The following WSCD2 variants were observed in gnomAD, a reference collection of about 807,000 sequenced individuals.
WSCD2 encodes sialate:O-sulfotransferase 2.
Under a neutral mutation model 55.7 loss-of-function variants are expected in WSCD2, and 28 were observed. The observed-to-expected ratio is 0.50, with a 90% CI of 0.37 to 0.69. The LOEUF (loss-of-function observed/expected upper bound fraction) is 0.69. WSCD2 is among the 30% of genes least tolerant of loss of function. The pLI is 0.00. For missense variants in WSCD2, 616 were observed against 762.1 expected (o/e 0.81, Z 2.26); for synonymous variants, 301 against 301.9 (o/e 1.00, Z 0.03).
intron 5 of WSCD2, among the ~76,000 whole-genome samples, chr12:108,226,093 T>G (rs577930122): frequency 6.6e-6 from 1 of 151,806 alleles, no homozygotes; most frequent in Non-Finnish European, 1.5e-5. Context: ...GCTGTCTGAG[T>G]CTGTTCTCAG....
chr12:108,168,310 C>T (rs1045135322), intron 1 of WSCD2, among the ~76,000 whole-genome samples: 7 of 152,196 alleles, frequency 4.6e-5, no homozygotes, highest in Admixed American at 4.6e-4. Flanking sequence ...TGATCATGCT[C>T]TGCCACTTTT....
chr12:108,218,025 G>A (rs1887053652), intron 4 of WSCD2, among the ~76,000 whole-genome samples: 1 of 152,118 alleles, frequency 6.6e-6, no homozygotes, highest in African/African-American at 2.4e-5. Flanking sequence ...GATTCCACAT[G>A]GGTCTCCCCC....
chr12:108,201,075 T>C (rs1030470984), intron 2 of WSCD2, among the ~76,000 whole-genome samples: 2 of 152,242 alleles, frequency 1.3e-5, no homozygotes, highest in Non-Finnish European at 2.9e-5. Flanking sequence ...AATATCTTTG[T>C]ATTAGCTTTC....
intron 1 of WSCD2, among the ~76,000 whole-genome samples, chr12:108,184,807 A>G (rs865994202): frequency 3.4e-4 from 52 of 152,266 alleles, no homozygotes; most frequent in African/African-American, 1.2e-3. Flanking sequence ...TTATATGGAC[A>G]GAGGTTATTT....
chr12:108,240,646 A>C (rs1889664378), intron 8 of WSCD2, 102 bp downstream of exon 8: 23 of 1,335,074 alleles, frequency 1.7e-5, no homozygotes, highest in Non-Finnish European at 2.2e-5. Flanking sequence ...GCAGGAGGCA[A>C]TGCCTCATGC....
At chr12:108,138,809 T>G (rs1244722230) in intron 1 of WSCD2, among the ~76,000 whole-genome samples, 1 of 152,212 alleles carries the variant, frequency 6.6e-6, no homozygotes, top group Admixed American at 6.5e-5. Context: ...TGTGCATCCA[T>G]TCATTTATTT....
intron 1 of WSCD2, among the ~76,000 whole-genome samples, chr12:108,168,346 A>C (rs905719724): frequency 6.6e-6 from 1 of 152,156 alleles, no homozygotes; most frequent in Admixed American, 6.5e-5. Flanking sequence ...AGCAAGTCAC[A>C]TATCTTCCCT....
At position 108,226,027 on chromosome 12, in the gene WSCD2, C is replaced by T. The variant is rs537815216; in HGVS notation, c.805-963C>T. 3.4e-4 allele frequency among the ~76,000 whole-genome samples: 52 copies of T among 152,188 alleles called. 1 individual carries two copies. Among genetic ancestry groups the T allele is most frequent in the Middle Eastern group, 6.8e-3 (2 of 294 alleles). ...CCCTTTCTCACGGTCATGCAATACA[C>T]CACAGTAAATGCCCCCTTGGTGTGA... On this transcript the variant is annotated intron_variant, in intron 5 of 8. Transcript: ENST00000547525.
intron 1 of WSCD2, among the ~76,000 whole-genome samples, chr12:108,146,856 G>T (rs56094750): frequency 0.028 from 4,330 of 152,298 alleles, 104 homozygotes; most frequent in Non-Finnish European, 0.041. Flanking sequence ...GATGGATCAG[G>T]GTTAGGGTCT....
intron 6 of WSCD2, among the ~76,000 whole-genome samples, 153 bp downstream of exon 6, chr12:108,227,317 T>C (rs1888216235): frequency 6.6e-6 from 1 of 152,074 alleles, no homozygotes; most frequent in African/African-American, 2.4e-5. Context: ...AGGCTTAGAG[T>C]TCCTGGATGG....
chr12:108,240,904 T>G (rs1358731158), intron 8 of WSCD2, among the ~76,000 whole-genome samples: 1 of 152,154 alleles, frequency 6.6e-6, no homozygotes, highest in Non-Finnish European at 1.5e-5. Context: ...ATCTATAAAG[T>G]GAAGATTATA....
intron 1 of WSCD2, among the ~76,000 whole-genome samples, chr12:108,173,757 T>A (rs1880487272): frequency 6.6e-6 from 1 of 151,330 alleles, no homozygotes; most frequent in South Asian, 2.1e-4. Flanking sequence ...CGGCCTTTAT[T>A]TGATCCAATC....
At chr12:108,166,294 G>A (rs1879586545) in intron 1 of WSCD2, among the ~76,000 whole-genome samples, 1 of 152,184 alleles carries the variant, frequency 6.6e-6, no homozygotes, top group African/African-American at 2.4e-5. Context: ...CTCAGTAAAT[G>A]ACTCTGCTCT....
intron 1 of WSCD2, among the ~76,000 whole-genome samples, chr12:108,170,487 A>G (rs1160261007): frequency 2.0e-5 from 3 of 152,184 alleles, no homozygotes; most frequent in Non-Finnish European, 4.4e-5. Context: ...TCTATCGCCC[A>G]GTACTCTTCT....
intron 2 of WSCD2, among the ~76,000 whole-genome samples, chr12:108,202,236 G>T (rs1884783883): frequency 6.6e-6 from 1 of 152,172 alleles, no homozygotes; most frequent in African/African-American, 2.4e-5. Context: ...GGGGTCACCA[G>T]ATCTTTCCCA....
At chr12:108,190,052 C>G (rs148030742) in intron 1 of WSCD2, among the ~76,000 whole-genome samples, 1 of 152,124 alleles carries the variant, frequency 6.6e-6, no homozygotes, top group Non-Finnish European at 1.5e-5. Flanking sequence ...TTAGTTCTCA[C>G]GCTAACCCTA....
At chr12:108,204,642 G>C (rs1206699347) in intron 2 of WSCD2, among the ~76,000 whole-genome samples, 1 of 152,258 alleles carries the variant, frequency 6.6e-6, no homozygotes, top group Admixed American at 6.5e-5. Flanking sequence ...GGTTGTCACT[G>C]TCTGGTGTGC....
intron 1 of WSCD2, among the ~76,000 whole-genome samples, chr12:108,136,847 G>A (rs1329470375): frequency 6.6e-6 from 1 of 152,154 alleles, no homozygotes; most frequent in African/African-American, 2.4e-5. Flanking sequence ...TTGTTAACCT[G>A]GAAATGGCAT....
intron 8 of WSCD2, among the ~76,000 whole-genome samples, chr12:108,240,787 A>G (rs1889680887): frequency 6.6e-6 from 1 of 152,190 alleles, no homozygotes; most frequent in Non-Finnish European, 1.5e-5. Context: ...GCTGCATCGC[A>G]CAGGGGATTA....
Sources: gnomAD v4.1 joint callset for allele counts (sites outside exome capture counted in the v4.1 genomes callset) on GRCh38, gnomAD v4.1.1 for gene constraint, MANE v1.5 for transcripts, NCBI Gene and HGNC (gene_info 2026-07-23, HGNC 2026-07-21) for gene names.